The following SLC26A5 variants were observed in gnomAD, a reference collection of about 807,000 sequenced individuals.
SLC26A5 encodes solute carrier family 26 member 5, also known as prestin.
Under a neutral mutation model 81.0 loss-of-function variants are expected in SLC26A5, and 51 were observed. That is an observed-to-expected ratio of 0.63 (90% CI 0.50 to 0.80). SLC26A5 has a LOEUF of 0.80. Ranked by LOEUF, SLC26A5 falls within the 30% of genes least tolerant of loss-of-function variation. The pLI is 0.00. For missense variants in SLC26A5, 771 were observed against 905.8 expected (o/e 0.85, Z 1.91); for synonymous variants, 325 against 332.8 (o/e 0.98, Z 0.25).
intron 2 of SLC26A5, among the ~76,000 whole-genome samples, chr7:103,422,671 G>T (rs923063625): frequency 1.3e-5 from 2 of 152,156 alleles, no homozygotes; most frequent in African/African-American, 4.8e-5. Context: ...CTGGCACAAA[G>T]ACAGCAAAAT....
downstream of SLC26A5, among the ~76,000 whole-genome samples, chr7:103,371,695 A>ATTT (rs72068482): frequency 1.6e-5 from 2 of 127,062 alleles, no homozygotes; most frequent in African/African-American, 2.9e-5. Flanking sequence ...ATGTGCAATA[A>ATTT]TTTTTTTTTT....
At position 103,367,959 on chromosome 7, in the gene SLC26A5, A is replaced by G; in HGVS notation, c.2041+8849T>C. ...GTTTGCCATCAGAGCACGGCGAAAA[A>G]TTGCTACCGAGAAGGATTTCTTGGA... On this transcript the variant is annotated intron_variant, in intron 19 of 19. Transcript: ENST00000339444. The surrounding 1 kb of genome is among the most constrained non-coding windows in gnomAD (Gnocchi z 6.1). The G allele has an allele frequency of 1.2e-6, 2 of 1,614,120 alleles. No individual in the cohort carries two copies. The highest frequency in any genetic ancestry group is 1.7e-6 in the Non-Finnish European group (2 of 1,180,010).
rs1444452202 is a variant in SLC26A5 at position 103,393,007 on chromosome 7, A to G, written c.1031T>C (p.Ile344Thr). ...SLFHLVYVDA[I>T]AIAIVGFSVT... ...TGAAAATCCAACGATGGCTATGGCA[A>G]TGGCATCTACGTACACAAGGTGGAA... Residue 344 changes from isoleucine (I) to threonine (T), a missense_variant, in exon 10 of 20, where the codon ATT (isoleucine) becomes ACT (threonine). Physicochemically the swap from Ile to Thr is moderately conservative, Grantham distance 89 (BLOSUM62 -1). Coordinates refer to ENST00000306312, the MANE Select transcript of SLC26A5 (RefSeq NM_198999.3). 1 of 1,613,894 alleles carries G rather than the reference A, an allele frequency of 6.2e-7. No homozygotes were observed. The highest frequency in any genetic ancestry group is 8.5e-7 in the Non-Finnish European group (1 of 1,179,874).
intron 1 of SLC26A5, among the ~76,000 whole-genome samples, chr7:103,444,708 G>T (rs1419857962): frequency 6.6e-6 from 1 of 152,222 alleles, no homozygotes; most frequent in Admixed American, 6.5e-5. Context: ...CTACATAAGA[G>T]AATTGGGGCT....
intron 7 of SLC26A5, among the ~76,000 whole-genome samples, chr7:103,409,314 C>G (rs981151636): frequency 6.6e-6 from 1 of 152,228 alleles, no homozygotes; most frequent in Admixed American, 6.5e-5. Flanking sequence ...AGGCAACAGG[C>G]CTCTCTTTTC....
chr7:103,361,633 A>G (rs982368674), intron 19 of SLC26A5, among the ~76,000 whole-genome samples: 3 of 152,164 alleles, frequency 2.0e-5, no homozygotes, highest in African/African-American at 7.2e-5. Flanking sequence ...TAGGGAAAAT[A>G]AAAACGAGAG....
Position 103,374,588 on chromosome 7 carries a change from T to C in SLC26A5, c.2046A>G (p.Gln682=). The change falls in exon 20 of 20, where the codon CAA becomes CAG. Residue 682 remains glutamine, a synonymous_variant. Transcript: ENST00000306312. ...IYVYLAGCSA[Q]VVNDLTRNRF... The stretch of plus-strand genomic sequence containing the variant: ...TATTCCGAGTGAGGTCATTCACAAC[T>C]TGTGCTATTAAAAGAAGAAAAGAAA... 6.2e-7 allele frequency: 1 copy of C among 1,613,926 alleles called. No homozygotes were observed. Among genetic ancestry groups the C allele is most frequent in the Non-Finnish European group, 8.5e-7 (1 of 1,179,970 alleles).
rs1383645089 is a variant in SLC26A5, at chr7:103,397,935, A to G, written c.968T>C (p.Leu323Pro). ...TTACTTAAAACCACTTTCCTACCCT[A>G]GAGGAAGTGTTCCAACGACATCCAC... ...YNVDVVGTLP[L>P]GLLPPANPDT... The change falls in exon 9 of 20, where the codon CTA (leucine) becomes CCA (proline). Residue 323 changes from leucine (L) to proline (P), a missense_variant. Physicochemically the swap from Leu to Pro is moderately conservative, Grantham distance 98 (BLOSUM62 -3). Coordinates refer to ENST00000306312, the MANE Select transcript of SLC26A5 (RefSeq NM_198999.3). 2 of 1,612,904 alleles carry G rather than the reference A, an allele frequency of 1.2e-6. No homozygotes were observed. The highest frequency in any genetic ancestry group is 1.7e-5 in the Admixed American group (1 of 60,016).
At chr7:103,428,467 C>G (rs1825847211) in intron 2 of SLC26A5, among the ~76,000 whole-genome samples, 1 of 151,928 alleles carries the variant, frequency 6.6e-6, no homozygotes, top group Admixed American at 6.6e-5. Flanking sequence ...GGAATCTATG[C>G]CATAAATATA....
chr7:103,412,630 A>G (rs11762917), intron 5 of SLC26A5, among the ~76,000 whole-genome samples: 25 of 149,646 alleles, frequency 1.7e-4, no homozygotes, highest in Admixed American at 6.7e-4. Context: ...GCTCACTGCA[A>G]TCTCTGCCTC....
rs190025439 is a variant in SLC26A5 at position 103,424,721 on chromosome 7, A to G, written c.-53-3154T>C. Among the ~76,000 whole-genome samples, 144 of 152,308 alleles carry G rather than the reference A, an allele frequency of 9.5e-4. No individual in the cohort carries two copies. The Middle Eastern group carries it at 0.017, about 18-fold the overall frequency. ...ACCATTGATTTTCCTGTTACCCCAC[A>G]GGAGTTTGCTCAGCTGTCAATCAGG... On this transcript the variant is annotated intron_variant, in intron 2 of 19. Transcript: ENST00000306312.
In SLC26A5 at chr7:103,367,334, A is replaced by G; in HGVS notation, c.2041+9474T>C. The G allele has an allele frequency of 7.2e-7, 1 of 1,389,570 alleles. No homozygotes were observed. Among genetic ancestry groups the G allele is most frequent in the Middle Eastern group, 2.5e-4 (1 of 3,964 alleles). 86.1% of individuals were successfully genotyped at this position (1,389,570 alleles called of 1,614,324 possible). A position where few individuals can be genotyped will look rare whatever the true frequency, so the allele number is the denominator to read the frequency against. ...GCCTGAGGACATGATTTGAGCTGAGATTTTTGGTACTTTCAGGTCATGCAT... is the reference window on the plus strand; with the variant it reads ...GCCTGAGGACATGATTTGAGCTGAGGTTTTTGGTACTTTCAGGTCATGCAT... On this transcript the variant is annotated intron_variant, in intron 19 of 19. Transcript: ENST00000339444. The surrounding 1 kb of genome is among the most constrained non-coding windows in gnomAD (Gnocchi z 6.1).
chr7:103,364,390 G>A (rs114923477), intron 19 of SLC26A5: 6 of 1,468,970 alleles, frequency 4.1e-6, no homozygotes, highest in Non-Finnish European at 5.6e-6. Flanking sequence ...CTTCTGCATT[G>A]AGGGATCCAG....
At chr7:103,415,713 T>C (rs1824851577) in intron 4 of SLC26A5, among the ~76,000 whole-genome samples, 1 of 152,252 alleles carries the variant, frequency 6.6e-6, no homozygotes, top group Admixed American at 6.5e-5. Flanking sequence ...ATGTGACTTT[T>C]TTTCTTTCTA....
At chr7:103,398,157 C>A in intron 8 of SLC26A5, 143 bp from the exon 9 acceptor site, 1 of 723,514 alleles carries the variant, frequency 1.4e-6, no homozygotes. Context: ...CCATTAGCTT[C>A]AACAATTCTA....
chr7:103,444,425 C>G (rs527815605), intron 1 of SLC26A5, among the ~76,000 whole-genome samples: 5 of 152,194 alleles, frequency 3.3e-5, no homozygotes, highest in African/African-American at 1.2e-4. Flanking sequence ...GGGGGCAACA[C>G]ATGATATTTA....
chr7:103,427,915 C>T (rs987916062), intron 2 of SLC26A5, among the ~76,000 whole-genome samples: 2 of 148,480 alleles, frequency 1.3e-5, no homozygotes, highest in African/African-American at 5.0e-5. Context: ...TGCAGTGGTG[C>T]GATCTTGGCT....
chr7:103,410,225 ACT>A (rs1256850553), intron 7 of SLC26A5, among the ~76,000 whole-genome samples, 158 bp downstream of exon 7: 2 of 152,030 alleles, frequency 1.3e-5, no homozygotes, highest in Non-Finnish European at 2.9e-5. Flanking sequence ...TCTTTGTAAC[ACT>A]CTTTTCAGAA....
chr7:103,352,846 C>T, exon 20 of SLC26A5: 1 of 780,876 alleles, frequency 1.3e-6, no homozygotes, highest in South Asian at 1.3e-5. Flanking sequence ...ACCCTGTCCA[C>T]CTGGCCCCAA....
Sources: allele counts gnomAD v4.1 joint callset (sites outside exome capture counted in the v4.1 genomes callset), GRCh38; gene constraint gnomAD v4.1.1; non-coding constraint Gnocchi (gnomAD v3.1); transcripts MANE v1.5; gene names NCBI Gene and HGNC (gene_info 2026-07-23, HGNC 2026-07-21).